The following PPP1R14C variants were observed in gnomAD, a reference collection of about 807,000 sequenced individuals.
The protein encoded by PPP1R14C is protein phosphatase 1 regulatory inhibitor subunit 14C, also known as protein phosphatase 1 regulatory subunit 14C.
In PPP1R14C, 16 loss-of-function variants were observed where a neutral mutation model predicts 20.4. The ratio of observed to expected loss-of-function variants is 0.78; its 90% CI spans 0.53 to 1.19. PPP1R14C has a LOEUF of 1.19. Ranked by LOEUF, PPP1R14C falls within the 50% of genes most tolerant of loss-of-function variation. PPP1R14C has a pLI of 0.00. For missense variants in PPP1R14C, 211 were observed against 220.1 expected, an observed-to-expected ratio of 0.96 and a Z score of 0.26; for synonymous variants, 91 against 91.0, an observed-to-expected ratio of 1.00 and a Z score of 0.00.
In PPP1R14C at chr6:150,192,504, C is replaced by G. The variant is rs549062233; in HGVS notation, c.307-22240C>G. 2.0e-5 allele frequency among the ~76,000 whole-genome samples: 3 copies of G among 152,278 alleles called. No homozygotes were observed. The South Asian group carries it at 6.2e-4, about 32-fold the overall frequency. ...GACAGGGCTCAGGCGGTAATGCTTT[C>G]TTGCCCATGTTCACCTCCTACTGTG... is the stretch of plus-strand genomic sequence containing the variant. On this transcript the variant is annotated intron_variant, in intron 1 of 3. Transcript: ENST00000361131.
intron 1 of PPP1R14C, among the ~76,000 whole-genome samples, chr6:150,200,543 G>A (rs1777864498): frequency 6.6e-6 from 1 of 152,146 alleles, no homozygotes; most frequent in Admixed American, 6.5e-5. Context: ...GACTGGAGCA[G>A]GAGACACAGT....
chr6:150,150,837 T>TG (rs1011423015), intron 1 of PPP1R14C, among the ~76,000 whole-genome samples: 3 of 152,108 alleles, frequency 2.0e-5, no homozygotes, highest in Admixed American at 6.5e-5. Context: ...ATACACAAGT[T>TG]GAAGTCTCTC....
intron 1 of PPP1R14C, among the ~76,000 whole-genome samples, chr6:150,156,197 A>T (rs1334846628): frequency 2.0e-5 from 3 of 152,102 alleles, no homozygotes; most frequent in Admixed American, 6.5e-5. Flanking sequence ...TTTAGATGGA[A>T]TTGACTCCAT....
intron 1 of PPP1R14C, chr6:150,194,507 C>A (rs1032948603): frequency 9.2e-6 from 9 of 977,374 alleles, no homozygotes; most frequent in Non-Finnish European, 1.1e-5. Context: ...AATTTGTATG[C>A]CAATTATAAA....
intron 1 of PPP1R14C, among the ~76,000 whole-genome samples, chr6:150,159,683 C>A (rs150504402): frequency 6.6e-6 from 1 of 151,478 alleles, no homozygotes; most frequent in African/African-American, 2.4e-5. Flanking sequence ...AGAAAAATTG[C>A]GAAGACAGAA....
At chr6:150,212,079 T>C (rs1321091245) in intron 1 of PPP1R14C, among the ~76,000 whole-genome samples, 2 of 152,178 alleles carry the variant, frequency 1.3e-5, no homozygotes, top group Non-Finnish European at 2.9e-5. Context: ...TTTACTCCTG[T>C]CAAGCCCCTT....
At chr6:150,232,175 G>C (rs1020772354) in intron 3 of PPP1R14C, among the ~76,000 whole-genome samples, 4 of 147,712 alleles carry the variant, frequency 2.7e-5, no homozygotes, top group East Asian at 3.9e-4. Context: ...TAGTAAGGTT[G>C]AGACATTTTT....
chr6:150,190,366 T>C (rs759852335), intron 1 of PPP1R14C, among the ~76,000 whole-genome samples: 3 of 151,578 alleles, frequency 2.0e-5, no homozygotes, highest in Non-Finnish European at 4.4e-5. Context: ...ATGTTAGGAA[T>C]GGCAACTTTA....
intron 1 of PPP1R14C, among the ~76,000 whole-genome samples, chr6:150,149,315 GTGTGTGTGTA>G (rs1227757246): frequency 1.3e-5 from 2 of 151,710 alleles, no homozygotes; most frequent in Non-Finnish European, 2.9e-5. Context: ...GTGTGTGTGT[GTGTGTGTGTA>G]TGTGTGTGTA....
intron 1 of PPP1R14C, among the ~76,000 whole-genome samples, chr6:150,210,134 C>A (rs1562270389): frequency 6.6e-6 from 1 of 152,152 alleles, no homozygotes; most frequent in Non-Finnish European, 1.5e-5. Flanking sequence ...GCATGCCCAG[C>A]GCCAGGTTCT....
rs189423298 is a variant in PPP1R14C, at chr6:150,169,018, C to T, written c.306+25520C>T. Among the ~76,000 whole-genome samples the T allele has an allele frequency of 8.9e-3, 1,349 of 152,226 alleles. 22 individuals are homozygous for T. The highest frequency in any genetic ancestry group is 0.031 in the African/African-American group (1,287 of 41,534). ...CAGCCTCCCAAGTAGCTGGGACTAT[C>T]GGCACGCGCCACCACACCCAGCTAA... is the stretch of plus-strand genomic sequence containing the variant. On this transcript the variant is annotated intron_variant, in intron 1 of 3. Transcript: ENST00000361131.
rs140984719 is a variant in PPP1R14C at position 150,173,164 on chromosome 6, T to C, written c.306+29666T>C. ...CTCGACACTAAGAAATCAGCAATGG[T>C]ACAAGGTAGCTAATGACAATCTTTA... is the stretch of plus-strand genomic sequence containing the variant. On this transcript the variant is annotated intron_variant, in intron 1 of 3. Transcript: ENST00000361131. Among the ~76,000 whole-genome samples, 924 of 152,282 alleles carry C rather than the reference T, an allele frequency of 6.1e-3. 14 individuals carry two copies. The highest frequency in any genetic ancestry group is 0.021 in the African/African-American group (886 of 41,556).
chr6:150,197,887 G>A (rs557661904), intron 1 of PPP1R14C, among the ~76,000 whole-genome samples: 5 of 128,718 alleles, frequency 3.9e-5, no homozygotes, highest in African/African-American at 1.6e-4. Flanking sequence ...AGGAGGGCCT[G>A]GATGCCCAGC....
rs114721140 is a variant in PPP1R14C at position 150,172,481 on chromosome 6, G to A, written c.306+28983G>A. 7.1e-4 allele frequency among the ~76,000 whole-genome samples: 108 copies of A among 152,290 alleles called. 1 individual carries two copies. The highest frequency in any genetic ancestry group is 2.5e-3 in the African/African-American group (102 of 41,550). ...GGCCCTGTGGTGCAGGTGGGGAGGC[G>A]GGTAGAGATAGAGAGCGAGGTACAG... On this transcript the variant is annotated intron_variant, in intron 1 of 3. Transcript: ENST00000361131.
At chr6:150,174,509 C>G (rs1331421007) in intron 1 of PPP1R14C, among the ~76,000 whole-genome samples, 2 of 151,872 alleles carry the variant, frequency 1.3e-5, no homozygotes, top group African/African-American at 4.8e-5. Flanking sequence ...AGCCACCACG[C>G]CTGGCCGTGT....
chr6:150,224,267 G>T (rs1299636361), intron 3 of PPP1R14C, among the ~76,000 whole-genome samples: 1 of 152,190 alleles, frequency 6.6e-6, no homozygotes, highest in Non-Finnish European at 1.5e-5. Flanking sequence ...ATGTCTTGAG[G>T]TTGGTAGTGT....
intron 1 of PPP1R14C, among the ~76,000 whole-genome samples, chr6:150,144,135 T>A (rs368301985): frequency 6.6e-6 from 1 of 152,170 alleles, no homozygotes; most frequent in Admixed American, 6.5e-5. Context: ...GAAGCCGTAG[T>A]TTTTCCTCTC....
intron 1 of PPP1R14C, among the ~76,000 whole-genome samples, chr6:150,184,162 C>A (rs17079385): frequency 6.6e-6 from 1 of 152,154 alleles, no homozygotes; most frequent in African/African-American, 2.4e-5. Context: ...CATCCAAGTG[C>A]GCGTGGAGAA....
chr6:150,148,544 C>A (rs17079358), intron 1 of PPP1R14C, among the ~76,000 whole-genome samples: 1 of 152,190 alleles, frequency 6.6e-6, no homozygotes, highest in African/African-American at 2.4e-5. Flanking sequence ...TCTCCTTTTA[C>A]ATGCAGATCC....
Sources: allele counts gnomAD v4.1 joint callset (sites outside exome capture counted in the v4.1 genomes callset), GRCh38; gene constraint gnomAD v4.1.1; transcripts MANE v1.5; gene names NCBI Gene and HGNC (gene_info 2026-07-23, HGNC 2026-07-21).